SLC4A5: variants seen among roughly 807,000 people sequenced by gnomAD.
SLC4A5 encodes the protein solute carrier family 4 member 5.
Under a neutral mutation model 120.4 loss-of-function variants are expected in SLC4A5, and 96 were observed. The observed-to-expected ratio is 0.80, with a 90% CI of 0.68 to 0.94. The LOEUF (loss-of-function observed/expected upper bound fraction) is 0.94. SLC4A5 is among the 40% of genes least tolerant of loss of function. The probability of loss-of-function intolerance (pLI) is 0.00; values close to 1 mark genes in which losing one functional copy is unlikely to be tolerated. For synonymous variants in SLC4A5, 550 were observed against 571.1 expected (o/e 0.96, Z 0.53); for missense variants, 1,259 against 1,459.5 (o/e 0.86, Z 2.24).
At chr2:74,334,535 C>T (rs1329736083) in intron 3 of SLC4A5, among the ~76,000 whole-genome samples, 2 of 152,218 alleles carry the variant, frequency 1.3e-5, no homozygotes, top group Admixed American at 6.5e-5. Flanking sequence ...ATTAACTCTG[C>T]TTTATTTGTC....
chr2:74,233,127 T>A (rs576235939), intron 23 of SLC4A5, among the ~76,000 whole-genome samples: 53 of 152,282 alleles, frequency 3.5e-4, no homozygotes, highest in African/African-American at 1.2e-3. Flanking sequence ...CTGATTCTCA[T>A]AAGAACTCGA....
chr2:74,254,414 A>G (rs373641279), intron 14 of SLC4A5, among the ~76,000 whole-genome samples: 1 of 152,168 alleles, frequency 6.6e-6, no homozygotes, highest in East Asian at 1.9e-4. Flanking sequence ...TAGTTTTACA[A>G]TTATCAATCT....
intron 12 of SLC4A5, among the ~76,000 whole-genome samples, chr2:74,257,225 T>A (rs931199566): frequency 6.6e-6 from 1 of 151,118 alleles, no homozygotes; most frequent in Admixed American, 6.6e-5. Context: ...ACTACCCTTA[T>A]AATCGTTTAA....
chr2:74,218,613 G>A (rs1410519067), exon 31 of SLC4A5: 1 of 152,636 alleles, frequency 6.6e-6, no homozygotes, highest in Non-Finnish European at 1.5e-5. Context: ...CCATCTGGGA[G>A]AAGCTGCTTC....
intron 8 of SLC4A5, among the ~76,000 whole-genome samples, chr2:74,267,083 A>C (rs1281450836): frequency 1.3e-5 from 2 of 152,238 alleles, no homozygotes; most frequent in African/African-American, 4.8e-5. Context: ...CCTTACCAGT[A>C]ATCATGGACT....
intron 6 of SLC4A5, chr2:74,307,527 T>A: frequency 1.6e-6 from 1 of 620,344 alleles, no homozygotes; most frequent in South Asian, 1.4e-5. Context: ...GACTCTAAAG[T>A]CATTGGCAGC....
chr2:74,243,249 C>T (rs1558874094), intron 19 of SLC4A5, among the ~76,000 whole-genome samples: 1 of 152,204 alleles, frequency 6.6e-6, no homozygotes, highest in Admixed American at 6.5e-5. Flanking sequence ...TTCTGCTCCC[C>T]CGTTCTGCAG....
chr2:74,248,328 C>T (rs1558876763), intron 18 of SLC4A5, 25 bp downstream of exon 18: 1 of 1,612,378 alleles, frequency 6.2e-7, no homozygotes, highest in Admixed American at 1.7e-5. Context: ...AGAGCAGGCA[C>T]TGGGGGCCAC....
chr2:74,327,963 T>C lies in SLC4A5; in HGVS notation c.-3+157A>G, dbSNP rs1573108637. 2.6e-5 allele frequency among the ~76,000 whole-genome samples: 4 copies of C among 152,356 alleles called. 1 individual carries two copies. In the South Asian group the frequency reaches 8.3e-4, roughly 32 times the overall value. On this transcript the variant is annotated intron_variant, in intron 5 of 30. Coordinates refer to ENST00000394019, the Ensembl canonical transcript of SLC4A5. ...TTTTAAAGGAAAACCAAATATCCTA[T>C]ACTCATTTGGAAGATTTGCCCAGCT...
At chr2:74,326,872 G>C (rs942994375) in intron 5 of SLC4A5, among the ~76,000 whole-genome samples, 1 of 152,116 alleles carries the variant, frequency 6.6e-6, no homozygotes, top group Non-Finnish European at 1.5e-5. Flanking sequence ...CAGACACACA[G>C]GGGTCCTTGC....
chr2:74,226,035 G>A (rs906610106), intron 27 of SLC4A5, among the ~76,000 whole-genome samples: 4 of 152,218 alleles, frequency 2.6e-5, no homozygotes, highest in Admixed American at 1.3e-4. Context: ...GAGGGCACTG[G>A]GGGGAGGATC....
intron 9 of SLC4A5, among the ~76,000 whole-genome samples, chr2:74,264,500 G>GTC (rs1369539673): frequency 1.3e-5 from 2 of 151,882 alleles, no homozygotes; most frequent in African/African-American, 2.4e-5. Context: ...GTGTGTGTGT[G>GTC]TGTGTGTGTG....
rs542003087 is a variant in SLC4A5 at position 74,320,892 on chromosome 2, T to C, written c.-2-5867A>G. 5.3e-5 allele frequency among the ~76,000 whole-genome samples: 8 copies of C among 152,250 alleles called. No homozygotes were observed. In the South Asian group the frequency reaches 1.7e-3, roughly 32 times the overall value. On this transcript the variant is annotated intron_variant, in intron 5 of 30. Coordinates refer to ENST00000394019, the Ensembl canonical transcript of SLC4A5. ...GAGGATACAAAAACTTTGTCAAGAA[T>C]AGTCATAGAAAGGAAAAGTAATCAT...
Position 74,270,931 on chromosome 2 carries a change from AC to A in SLC4A5, c.402-5668del, listed in dbSNP as rs563409132. Among the ~76,000 whole-genome samples, 14 of 152,306 alleles carry A rather than the reference AC, an allele frequency of 9.2e-5. No individual in the cohort carries two copies. In the South Asian group the frequency reaches 2.9e-3, roughly 32 times the overall value. On this transcript the variant is annotated intron_variant, in intron 8 of 30. Transcript: ENST00000394019. Reference sequence around the variant, plus strand: ...TCTTTCCCTTAGAATGGCTCCAAGAACACTAGCTGAAAGGGTCTCCTTTCTA... The same window carrying A: ...TCTTTCCCTTAGAATGGCTCCAAGAAACTAGCTGAAAGGGTCTCCTTTCTA...
chr2:74,282,923 G>A (rs550085684), intron 8 of SLC4A5, among the ~76,000 whole-genome samples: 2 of 152,328 alleles, frequency 1.3e-5, no homozygotes, highest in African/African-American at 4.8e-5. Flanking sequence ...TTCAGGGCGG[G>A]CAGTGGCTTC....
chr2:74,280,129 C>A (rs1438578685), intron 8 of SLC4A5, among the ~76,000 whole-genome samples: 1 of 152,182 alleles, frequency 6.6e-6, no homozygotes, highest in South Asian at 2.1e-4. Flanking sequence ...GAATCTGCAT[C>A]ATCAGCCCTG....
intron 3 of SLC4A5, among the ~76,000 whole-genome samples, chr2:74,338,395 G>A (rs544395152): frequency 1.1e-4 from 16 of 152,234 alleles, no homozygotes; most frequent in South Asian, 8.3e-4. Flanking sequence ...CTTTCAGATC[G>A]GCAGATATCA....
At chr2:74,316,621 G>C (rs1198720209) in intron 5 of SLC4A5, among the ~76,000 whole-genome samples, 1 of 152,152 alleles carries the variant, frequency 6.6e-6, no homozygotes, top group South Asian at 2.1e-4. Flanking sequence ...GCCAGGCAAG[G>C]GTTAAGTTAT....
chr2:74,266,311 C>G (rs1425719190), intron 8 of SLC4A5, among the ~76,000 whole-genome samples: 1 of 152,162 alleles, frequency 6.6e-6, no homozygotes, highest in Admixed American at 6.5e-5. Context: ...GAGTCTCCCC[C>G]AGGCTGGAGT....
Sources: allele counts gnomAD v4.1 joint callset (sites outside exome capture counted in the v4.1 genomes callset), GRCh38; gene constraint gnomAD v4.1.1; transcripts MANE v1.5; gene names NCBI Gene and HGNC (gene_info 2026-07-23, HGNC 2026-07-21).